Variants in FRYL observed in about 807,000 individuals in gnomAD.
The protein encoded by FRYL is protein furry homolog-like.
Under a neutral mutation model 351.2 loss-of-function variants are expected in FRYL, and 150 were observed. The observed-to-expected ratio is 0.43, with a 90% CI of 0.37 to 0.49. FRYL has a LOEUF of 0.49. Among genes scored for constraint, FRYL ranks in the 20% least tolerant of loss-of-function variants. The probability of loss-of-function intolerance (pLI) is 0.00; values close to 1 mark genes in which losing one functional copy is unlikely to be tolerated. For synonymous variants in FRYL, 1,153 were observed against 1,257.1 expected, an observed-to-expected ratio of 0.92 and a Z score of 1.75; for missense variants, 3,036 against 3,619.3, an observed-to-expected ratio of 0.84 and a Z score of 4.13.
Position 48,693,779 on chromosome 4 carries a change from CTG to C in FRYL, c.-203-8986_-203-8985del, listed in dbSNP as rs1765879523. Among the ~76,000 whole-genome samples the C allele has an allele frequency of 5.3e-5, 8 of 152,294 alleles. No individual in the cohort carries two copies. The South Asian group carries it at 1.7e-3, about 32-fold the overall frequency. On this transcript the variant is annotated intron_variant, in intron 2 of 63. Coordinates refer to ENST00000358350, the MANE Select transcript of FRYL (RefSeq NM_015030.2). ...CAAACCATGGCTTCAGCATACCATGCTGATTCTCCAAAACAATATTAGTATTT... is the reference window on the plus strand; with the variant it reads ...CAAACCATGGCTTCAGCATACCATGCATTCTCCAAAACAATATTAGTATTT...
At position 48,528,231 on chromosome 4, in the gene FRYL, CAGA is replaced by C. The variant is rs1577955951; in HGVS notation, c.7006_7008del (p.Ser2336del). ...GGAACCAAGGCATTAGAATTAGAAC[CAGA>C]AGAAGTTGAGGAAGTACTTCTAGTG... On this transcript the variant is annotated inframe_deletion, in exon 51 of 64. Coordinates refer to ENST00000358350, the MANE Select transcript of FRYL (RefSeq NM_015030.2). The C allele has an allele frequency of 1.2e-6, 2 of 1,613,332 alleles. No individual in the cohort carries two copies. The highest frequency in any genetic ancestry group is 1.7e-6 in the Non-Finnish European group (2 of 1,179,502).
At chr4:48,597,745 A>T (rs1367434535) in intron 13 of FRYL, among the ~76,000 whole-genome samples, 1 of 152,210 alleles carries the variant, frequency 6.6e-6, no homozygotes, top group Non-Finnish European at 1.5e-5. Context: ...TTAAATATAA[A>T]AGTATTTGGA....
At chr4:48,732,940 A>G (rs1770896036) in intron 1 of FRYL, among the ~76,000 whole-genome samples, 2 of 151,224 alleles carry the variant, frequency 1.3e-5, no homozygotes, top group African/African-American at 4.9e-5. Flanking sequence ...TAAAAAAAAA[A>G]AAAGAAAGTA....
At chr4:48,689,895 CTT>C (rs869300628) in intron 2 of FRYL, among the ~76,000 whole-genome samples, 10 of 135,656 alleles carry the variant, frequency 7.4e-5, no homozygotes, top group Admixed American at 7.4e-5. Context: ...TTCTTTTTTT[CTT>C]TTTTTTTTTT....
At chr4:48,528,079 T>G (rs771570430) in intron 51 of FRYL, 34 bp from the exon 52 acceptor site, 3 of 1,558,886 alleles carry the variant, frequency 1.9e-6, no homozygotes, top group Admixed American at 4.1e-5. Context: ...ATGTTAGGAC[T>G]GCTGATAAAA....
intron 47 of FRYL, among the ~76,000 whole-genome samples, chr4:48,536,783 G>T (rs1047680335): frequency 5.9e-5 from 9 of 152,248 alleles, no homozygotes; most frequent in African/African-American, 1.9e-4. Context: ...ATTTGGTAAA[G>T]AAACTGTCCT....
At chr4:48,753,158 C>T (rs575317131) in intron 1 of FRYL, among the ~76,000 whole-genome samples, 3 of 152,222 alleles carry the variant, frequency 2.0e-5, no homozygotes, top group East Asian at 1.9e-4. Flanking sequence ...TCTATTGGCA[C>T]AGGATCATGA....
chr4:48,773,969 A>C (rs1047484737), intron 1 of FRYL, among the ~76,000 whole-genome samples: 3 of 152,206 alleles, frequency 2.0e-5, no homozygotes, highest in Non-Finnish European at 2.9e-5. Flanking sequence ...GGAGCTACCC[A>C]CATCAAGGAA....
At chr4:48,683,500 T>C (rs1166186198) in intron 3 of FRYL, among the ~76,000 whole-genome samples, 2 of 152,160 alleles carry the variant, frequency 1.3e-5, no homozygotes, top group African/African-American at 4.8e-5. Flanking sequence ...ATCACATTAC[T>C]TATTAAGTCA....
At chr4:48,751,288 A>G (rs1773227000) in intron 1 of FRYL, among the ~76,000 whole-genome samples, 1 of 152,226 alleles carries the variant, frequency 6.6e-6, no homozygotes, top group African/African-American at 2.4e-5. Context: ...ATGAAATTTC[A>G]CAATGATGAA....
intron 2 of FRYL, among the ~76,000 whole-genome samples, chr4:48,699,131 T>C (rs980928035): frequency 2.0e-5 from 3 of 152,256 alleles, no homozygotes; most frequent in African/African-American, 7.2e-5. Context: ...CTCTGGATTA[T>C]ATTTTAAAGT....
At chr4:48,646,889 G>A (rs1021535995) in intron 3 of FRYL, among the ~76,000 whole-genome samples, 3 of 152,122 alleles carry the variant, frequency 2.0e-5, no homozygotes, top group African/African-American at 7.2e-5. Flanking sequence ...CACCAGGGAG[G>A]TCCAGGAGAA....
chr4:48,772,379 CTG>C (rs1351856028), intron 1 of FRYL, among the ~76,000 whole-genome samples: 1 of 152,036 alleles, frequency 6.6e-6, no homozygotes, highest in Non-Finnish European at 1.5e-5. Context: ...GAGCAAGACT[CTG>C]TGTCAAAAAA....
intron 50 of FRYL, among the ~76,000 whole-genome samples, chr4:48,530,719 C>T (rs1343584924): frequency 5.3e-5 from 8 of 152,122 alleles, no homozygotes; most frequent in African/African-American, 1.9e-4. Flanking sequence ...ACACATTCTC[C>T]ATTTCTTTGC....
In FRYL at chr4:48,497,919, C is replaced by T. The variant is rs1178392474; in HGVS notation, c.*1503G>A. On this transcript the variant is annotated 3_prime_UTR_variant, in exon 64 of 64. Coordinates refer to ENST00000358350, the MANE Select transcript of FRYL (RefSeq NM_015030.2). The stretch of plus-strand genomic sequence containing the variant: ...ATTACATTTCTGGCAGGGTCCACAC[C>T]CCCCAAGAAAAGGTAAAGCTAAGCA... 1.3e-5 allele frequency: 2 copies of T among 152,412 alleles called. No homozygotes were observed. The highest frequency in any genetic ancestry group is 2.9e-5 in the Non-Finnish European group (2 of 67,968). 9.4% of individuals were successfully genotyped at this position (152,412 alleles called of 1,614,324 possible).
intron 1 of FRYL, among the ~76,000 whole-genome samples, chr4:48,754,608 TA>T (rs1773581622): frequency 6.6e-6 from 1 of 151,838 alleles, no homozygotes; most frequent in Non-Finnish European, 1.5e-5. Context: ...AAGCAATGTG[TA>T]AGGTTCCAAT....
intron 13 of FRYL, among the ~76,000 whole-genome samples, chr4:48,597,012 TC>T (rs558236589): frequency 6.6e-6 from 1 of 152,136 alleles, no homozygotes; most frequent in South Asian, 2.1e-4. Context: ...CTCATTAGAC[TC>T]GCAGTATCAA....
At chr4:48,737,000 C>T (rs1771505977) in intron 1 of FRYL, among the ~76,000 whole-genome samples, 1 of 151,358 alleles carries the variant, frequency 6.6e-6, no homozygotes, top group Non-Finnish European at 1.5e-5. Flanking sequence ...AAAGAGGTGG[C>T]CGGGCGTGGT....
At position 48,606,598 on chromosome 4, in the gene FRYL, G is replaced by A. The variant is rs1746879600; in HGVS notation, c.581C>T (p.Ala194Val). ...IGVLAQSKFQ[A>V]VRKKFVTELK... Reference sequence around the variant, plus strand: ...TTCTGTCACAAACTTCTTCCTTACAGCCTGAAACCTTTAATATACGTGGAG... The same window carrying A: ...TTCTGTCACAAACTTCTTCCTTACAACCTGAAACCTTTAATATACGTGGAG... The change falls in exon 10 of 64, where the codon GCT becomes GTT. Residue 194 changes from alanine to valine, a missense_variant. Physicochemically the swap from Ala to Val is moderately conservative, Grantham distance 64. Coordinates refer to ENST00000358350, the MANE Select transcript of FRYL (RefSeq NM_015030.2). The A allele has an allele frequency of 6.2e-7, 1 of 1,607,290 alleles. No individual in the cohort carries two copies. Among genetic ancestry groups the A allele is most frequent in the South Asian group, 1.1e-5 (1 of 90,302 alleles).
Sources: gnomAD v4.1 joint callset for allele counts (sites outside exome capture counted in the v4.1 genomes callset) on GRCh38, gnomAD v4.1.1 for gene constraint, MANE v1.5 for transcripts, NCBI Gene and HGNC (gene_info 2026-07-23, HGNC 2026-07-21) for gene names.